Variants in TF observed in about 807,000 individuals in gnomAD.
The protein encoded by TF is serotransferrin.
Under a neutral mutation model 82.4 loss-of-function variants are expected in TF, and 55 were observed. The observed-to-expected ratio is 0.67, with a 90% CI of 0.54 to 0.84. The LOEUF is 0.84. TF is among the 40% of genes least tolerant of loss of function. TF has a pLI of 0.00. For synonymous variants in TF, 332 were observed against 332.6 expected, an observed-to-expected ratio of 1.00 and a Z score of 0.02; for missense variants, 737 against 868.4, an observed-to-expected ratio of 0.85 and a Z score of 1.90.
the TF span, among the ~76,000 whole-genome samples, chr3:133,668,730 A>G: frequency 1.3e-5 from 2 of 152,152 alleles, no homozygotes; most frequent in African/African-American, 4.8e-5. Flanking sequence ...CATTGCATGA[A>G]GGCATTCTCT....
chr3:133,749,154 C>G (rs541053976), intron 2 of TF, among the ~76,000 whole-genome samples: 4 of 152,182 alleles, frequency 2.6e-5, no homozygotes, highest in South Asian at 2.1e-4. Flanking sequence ...GAGTGAGGCT[C>G]CATCTCAAAA....
the TF span, among the ~76,000 whole-genome samples, chr3:133,680,808 G>T: frequency 6.6e-6 from 1 of 152,118 alleles, no homozygotes; most frequent in Non-Finnish European, 1.5e-5. Flanking sequence ...ACAGTTAAAA[G>T]GCAGTATAGG....
At chr3:133,747,650 T>G (rs1360711976) in intron 1 of TF, among the ~76,000 whole-genome samples, 1 of 152,168 alleles carries the variant, frequency 6.6e-6, no homozygotes, top group Non-Finnish European at 1.5e-5. Context: ...GCTTTTTTTG[T>G]GAATGGCAGC....
rs556578000 is a variant in TF, at chr3:133,786,877, T to C, written c.*8257T>C. 1 of 152,364 alleles carries C rather than the reference T, an allele frequency of 6.6e-6. No homozygotes were observed. The highest frequency in any genetic ancestry group is 2.4e-5 in the African/African-American group (1 of 41,600). 9.4% of individuals were successfully genotyped at this position (152,364 alleles called of 1,614,324 possible). On this transcript the variant is annotated 3_prime_UTR_variant, in exon 17 of 17. Coordinates refer to ENST00000402696, the MANE Select transcript of TF (RefSeq NM_001063.4). ...TGTAGATGTTCAGAATTGCCTGATG[T>C]ATGTTAAGTGTAGAGGTAGTAAAAT...
chr3:133,773,083 CT>C (rs1250743420), intron 14 of TF: 1 of 152,138 alleles, frequency 6.6e-6, no homozygotes, highest in East Asian at 1.9e-4. Context: ...TCTTGCCCCC[CT>C]CTCTCCCTCC....
In TF at chr3:133,780,506, TACATACCTAATGATGAAG is replaced by T. The variant is rs1934493777; in HGVS notation, c.*1888_*1905del. 1 of 152,128 alleles carries T rather than the reference TACATACCTAATGATGAAG, an allele frequency of 6.6e-6. No individual in the cohort carries two copies. The highest frequency in any genetic ancestry group is 6.5e-5 in the Admixed American group (1 of 15,268). 9.4% of individuals were successfully genotyped at this position (152,128 alleles called of 1,614,324 possible). On this transcript the variant is annotated 3_prime_UTR_variant, in exon 17 of 17. Coordinates refer to ENST00000402696, the MANE Select transcript of TF (RefSeq NM_001063.4). ...TTATATACATGTAAACAAAAGCTAA[TACATACCTAATGATGAAG>T]AAACAGAAGCATTCCTACTAAAGTT...
the TF span, among the ~76,000 whole-genome samples, chr3:133,700,620 G>A: frequency 6.6e-6 from 1 of 152,192 alleles, no homozygotes. Flanking sequence ...TGGGAACACA[G>A]AGCCTCAGCC....
chr3:133,682,176 C>T, the TF span, among the ~76,000 whole-genome samples: 4 of 152,152 alleles, frequency 2.6e-5, no homozygotes, highest in Non-Finnish European at 5.9e-5. Flanking sequence ...ACAGAAAAGA[C>T]ATCAACACCA....
chr3:133,771,029 C>T (rs943581442), intron 14 of TF: 3 of 183,774 alleles, frequency 1.6e-5, no homozygotes, highest in Middle Eastern at 2.5e-3. Context: ...TTGAGAAGGC[C>T]TAGAGGCAAT....
the TF span, among the ~76,000 whole-genome samples, chr3:133,682,558 G>A: frequency 2.9e-3 from 449 of 152,276 alleles, 1 homozygote; most frequent in Non-Finnish European, 4.5e-3. Flanking sequence ...ACTACGTGAC[G>A]CATGCACAAG....
chr3:133,720,580 G>A, the TF span, among the ~76,000 whole-genome samples: 1 of 152,042 alleles, frequency 6.6e-6, no homozygotes, highest in African/African-American at 2.4e-5. Flanking sequence ...TCCTTGTCTG[G>A]TTTTGGAATC....
intron 12 of TF, among the ~76,000 whole-genome samples, 195 bp from the exon 13 acceptor site, chr3:133,767,834 T>C (rs1934162636): frequency 6.6e-6 from 1 of 152,238 alleles, no homozygotes; most frequent in African/African-American, 2.4e-5. Flanking sequence ...GTAATGGTCA[T>C]TAACTCCTTT....
At chr3:133,740,520 G>A in the TF span, among the ~76,000 whole-genome samples, 6 of 151,926 alleles carry the variant, frequency 3.9e-5, no homozygotes, top group East Asian at 1.9e-4. Context: ...TAGTATACAC[G>A]GGGTTTCACC....
chr3:133,736,651 A>AAAAAAAAG, the TF span, among the ~76,000 whole-genome samples: 1 of 144,930 alleles, frequency 6.9e-6, no homozygotes, highest in Non-Finnish European at 1.5e-5. Context: ...AAAAAAAAAA[A>AAAAAAAAG]GCAGGGGTTA....
the TF span, among the ~76,000 whole-genome samples, chr3:133,694,535 G>A: frequency 6.6e-6 from 1 of 152,176 alleles, no homozygotes; most frequent in African/African-American, 2.4e-5. Context: ...ACTCTTCTGT[G>A]TGGGAGCCCT....
chr3:133,765,374 C>A (rs1056452099), intron 11 of TF, among the ~76,000 whole-genome samples: 1 of 152,180 alleles, frequency 6.6e-6, no homozygotes, highest in Non-Finnish European at 1.5e-5. Flanking sequence ...ATTATCTGAC[C>A]TTCTAGCCAG....
At chr3:133,671,397 G>A in the TF span, among the ~76,000 whole-genome samples, 1 of 151,992 alleles carries the variant, frequency 6.6e-6, no homozygotes, top group African/African-American at 2.4e-5. Flanking sequence ...ATCAAGAAAA[G>A]GAATACTTAT....
At chr3:133,726,653 T>G in the TF span, among the ~76,000 whole-genome samples, 2 of 151,566 alleles carry the variant, frequency 1.3e-5, no homozygotes, top group African/African-American at 2.4e-5. Flanking sequence ...GTGTCTCTAT[T>G]TCCTTCAGTT....
the TF span, among the ~76,000 whole-genome samples, chr3:133,719,489 T>C: frequency 1.3e-5 from 2 of 152,186 alleles, no homozygotes; most frequent in African/African-American, 4.8e-5. Flanking sequence ...AGGCTCAAAG[T>C]GTGTTCCTTG....
Sources: gnomAD v4.1 joint callset for allele counts (sites outside exome capture counted in the v4.1 genomes callset) on GRCh38, gnomAD v4.1.1 for gene constraint, MANE v1.5 for transcripts, NCBI Gene and HGNC (gene_info 2026-07-23, HGNC 2026-07-21) for gene names.